Variants in PTPRD observed in about 807,000 individuals in gnomAD.
PTPRD encodes receptor-type tyrosine-protein phosphatase delta.
PTPRD carries 34 observed loss-of-function variants against 214.5 expected under a neutral mutation model. The ratio of observed to expected loss-of-function variants is 0.16; its 90% CI spans 0.12 to 0.21. The LOEUF is 0.21. Among genes scored for constraint, PTPRD ranks in the 10% least tolerant of loss-of-function variants. The pLI is 1.00. For missense variants in PTPRD, 2,545 were observed against 2,398.7 expected, an observed-to-expected ratio of 1.06 and a Z score of -1.27; for synonymous variants, 1,128 against 845.7, an observed-to-expected ratio of 1.33 and a Z score of -5.79.
chr9:8,664,324 G>A lies in PTPRD; in HGVS notation c.65-27480C>T, dbSNP rs573786905. 4.5e-4 allele frequency among the ~76,000 whole-genome samples: 68 copies of A among 152,126 alleles called. No homozygotes were observed. The South Asian group carries it at 0.013, about 30-fold the overall frequency. ...TCAACTCTTCTGAATCATATTAACCGTGACCATCAAGGTTCAAAATTTTCT... is the reference window on the plus strand; with the variant it reads ...TCAACTCTTCTGAATCATATTAACCATGACCATCAAGGTTCAAAATTTTCT... On this transcript the variant is annotated intron_variant, in intron 12 of 45. Transcript: ENST00000381196.
chr9:8,330,442 C>CTTTATTGTGGTAATCTGGA (rs1211682984), intron 44 of PTPRD, among the ~76,000 whole-genome samples: 1 of 152,116 alleles, frequency 6.6e-6, no homozygotes, highest in African/African-American at 2.4e-5. Context: ...GTGTGACTCC[C>CTTTATTGTGGTAATCTGGA]TTTATTGTGG....
chr9:9,582,385 C>A (rs547673153), intron 7 of PTPRD, among the ~76,000 whole-genome samples: 2 of 152,104 alleles, frequency 1.3e-5, no homozygotes, highest in East Asian at 1.9e-4. Context: ...AGTCATATAT[C>A]ATAAGAGGCC....
intron 5 of PTPRD, among the ~76,000 whole-genome samples, chr9:9,868,657 G>T (rs2064635812): frequency 6.6e-6 from 1 of 151,838 alleles, no homozygotes; most frequent in African/African-American, 2.4e-5. Flanking sequence ...ACAGGGTTTG[G>T]CTAGTTTCAA....
chr9:9,175,579 C>T (rs1292367539), intron 10 of PTPRD, among the ~76,000 whole-genome samples: 3 of 137,368 alleles, frequency 2.2e-5, no homozygotes, highest in Admixed American at 8.2e-5. Flanking sequence ...GCCGAGATTG[C>T]GCTGCTGCAC....
At chr9:8,694,496 AAAAGTT>A in intron 12 of PTPRD, among the ~76,000 whole-genome samples, 1 of 152,220 alleles carries the variant, frequency 6.6e-6, no homozygotes, top group African/African-American at 2.4e-5. Flanking sequence ...TTTTCCATAG[AAAAGTT>A]AAATGTATAA....
intron 10 of PTPRD, among the ~76,000 whole-genome samples, chr9:9,051,297 T>A (rs1243036126): frequency 6.6e-6 from 1 of 152,152 alleles, no homozygotes; most frequent in Non-Finnish European, 1.5e-5. Context: ...AACCTGAAGG[T>A]GGTTATTTAA....
intron 2 of PTPRD, among the ~76,000 whole-genome samples, chr9:10,582,679 G>A (rs2072362622): frequency 6.6e-6 from 1 of 152,004 alleles, no homozygotes; most frequent in Admixed American, 6.6e-5. Flanking sequence ...TGCTCCTTAT[G>A]CCTTAGATAA....
At chr9:8,468,976 C>T (rs1410647124) in intron 31 of PTPRD, among the ~76,000 whole-genome samples, 1 of 151,860 alleles carries the variant, frequency 6.6e-6, no homozygotes, top group Non-Finnish European at 1.5e-5. Context: ...TTTCATTTTC[C>T]AGTCAATGCA....
At position 9,665,012 on chromosome 9, in the gene PTPRD, G is replaced by A. The variant is rs550457509; in HGVS notation, c.-287+69521C>T. Among the ~76,000 whole-genome samples the A allele has an allele frequency of 2.8e-3, 425 of 151,634 alleles. 2 individuals are homozygous for A. Among genetic ancestry groups the A allele is most frequent in the African/African-American group, 9.7e-3 (401 of 41,476 alleles). On this transcript the variant is annotated intron_variant, in intron 7 of 45. Coordinates refer to ENST00000381196, the MANE Select transcript of PTPRD (RefSeq NM_002839.4). ...AGCCTTCATACTCATATTATTATAT[G>A]TCAACAAATAATGAAATCATGTCAC...
At chr9:9,630,000 A>C (rs1286365062) in intron 7 of PTPRD, among the ~76,000 whole-genome samples, 2 of 152,154 alleles carry the variant, frequency 1.3e-5, no homozygotes, top group African/African-American at 2.4e-5. Context: ...CAGCTTTTGG[A>C]AAGTAAGGAA....
intron 3 of PTPRD, among the ~76,000 whole-genome samples, chr9:10,265,441 GA>G (rs530675483): frequency 7.9e-4 from 121 of 152,296 alleles, no homozygotes; most frequent in African/African-American, 2.7e-3. Context: ...AGCCATTATA[GA>G]ATAACTGCTC....
At chr9:9,478,270 G>A (rs578154855) in intron 8 of PTPRD, among the ~76,000 whole-genome samples, 3 of 152,292 alleles carry the variant, frequency 2.0e-5, no homozygotes, top group African/African-American at 7.2e-5. Flanking sequence ...AGGCACCAAT[G>A]ACTGACTTCA....
intron 12 of PTPRD, among the ~76,000 whole-genome samples, chr9:8,664,525 C>G (rs2097132047): frequency 6.6e-6 from 1 of 152,214 alleles, no homozygotes; most frequent in African/African-American, 2.4e-5. Flanking sequence ...TTATATAGTA[C>G]TCCCTCCAAT....
chr9:10,333,133 G>A (rs1200924101), intron 3 of PTPRD, among the ~76,000 whole-genome samples: 2 of 151,944 alleles, frequency 1.3e-5, no homozygotes, highest in African/African-American at 4.8e-5. Flanking sequence ...AGGATATTCA[G>A]TGAGTGAACA....
chr9:8,646,192 G>C (rs1361507160), intron 12 of PTPRD, among the ~76,000 whole-genome samples: 1 of 152,118 alleles, frequency 6.6e-6, no homozygotes, highest in African/African-American at 2.4e-5. Context: ...GAGAATTACT[G>C]AATGATGCCA....
chr9:9,951,294 T>G (rs1254162196), intron 4 of PTPRD, among the ~76,000 whole-genome samples: 3 of 152,162 alleles, frequency 2.0e-5, no homozygotes, highest in Non-Finnish European at 4.4e-5. Flanking sequence ...TCAATGGCAG[T>G]GTTTGAAGAT....
intron 3 of PTPRD, among the ~76,000 whole-genome samples, chr9:10,150,677 T>A (rs879234263): frequency 6.9e-6 from 1 of 145,010 alleles, no homozygotes; most frequent in African/African-American, 2.6e-5. Context: ...AACTTAAAAA[T>A]GAAAAAAATA....
At chr9:8,612,115 A>C (rs549589429) in intron 14 of PTPRD, among the ~76,000 whole-genome samples, 19 of 152,014 alleles carry the variant, frequency 1.2e-4, no homozygotes, top group Admixed American at 1.2e-3. Context: ...AAGAAAAGAA[A>C]ACAAAACAAA....
intron 5 of PTPRD, among the ~76,000 whole-genome samples, chr9:9,791,768 T>C (rs2098969140): frequency 6.6e-6 from 1 of 152,176 alleles, no homozygotes; most frequent in African/African-American, 2.4e-5. Flanking sequence ...GGAAATAGTA[T>C]ACTATTTACA....
Sources: gnomAD v4.1 joint callset for allele counts (sites outside exome capture counted in the v4.1 genomes callset) on GRCh38, gnomAD v4.1.1 for gene constraint, MANE v1.5 for transcripts, NCBI Gene and HGNC (gene_info 2026-07-23, HGNC 2026-07-21) for gene names.